Variants in SLC25A12 observed in about 807,000 individuals in gnomAD.
SLC25A12 encodes the protein solute carrier family 25 member 12.
SLC25A12 carries 32 observed loss-of-function variants against 83.3 expected under a neutral mutation model. The ratio of observed to expected loss-of-function variants is 0.38; its 90% CI spans 0.29 to 0.52. SLC25A12 has a LOEUF of 0.52. Among genes scored for constraint, SLC25A12 ranks in the 20% least tolerant of loss-of-function variants. The pLI is 0.84. For synonymous variants in SLC25A12, 267 were observed against 291.1 expected (o/e 0.92, Z 0.84); for missense variants, 611 against 835.6 (o/e 0.73, Z 3.31).
At position 171,868,723 on chromosome 2, in the gene SLC25A12, A is replaced by G. The variant is rs1186864436; in HGVS notation, c.167T>C (p.Ile56Thr). ...LYNDPNSNPK[I>T]VQLLAGVADQ... ...AGCTACTCCTGCCAAGAGCTGCACG[A>G]TCTTTGGGTTACTATTTGGATCATT... is the stretch of plus-strand genomic sequence containing the variant. Residue 56 changes from isoleucine to threonine, a missense_variant, in exon 3 of 18, where the codon ATC becomes ACC. Ile to Thr is a moderately conservative substitution (Grantham distance 89). Around this residue, in one of 3 missense-constraint regions of SLC25A12, gnomAD observed 540 missense variants for 777.5 expected, o/e 0.69. Transcript: ENST00000422440. The G allele has an allele frequency of 6.2e-7, 1 of 1,613,916 alleles. No homozygotes were observed. The highest frequency in any genetic ancestry group is 1.3e-5 in the African/African-American group (1 of 74,926).
intron 2 of SLC25A12, among the ~76,000 whole-genome samples, chr2:171,874,122 A>G (rs1477693270): frequency 6.6e-6 from 1 of 152,222 alleles, no homozygotes; most frequent in Non-Finnish European, 1.5e-5. Flanking sequence ...GCTACTCGGA[A>G]GGCTGAGGCA....
rs576117597 is a variant in SLC25A12 at position 171,858,328 on chromosome 2, A to G, written c.210-2379T>C. Reference sequence around the variant, plus strand: ...TTTTCATGCAATTTCTGTTTGAGGAAGAAAAAAACAGACTGACCAATAATT... The same window carrying G: ...TTTTCATGCAATTTCTGTTTGAGGAGGAAAAAAACAGACTGACCAATAATT... On this transcript the variant is annotated intron_variant, in intron 3 of 17. Coordinates refer to ENST00000422440, the MANE Select transcript of SLC25A12 (RefSeq NM_003705.5). Among the ~76,000 whole-genome samples, 3 of 152,354 alleles carry G rather than the reference A, an allele frequency of 2.0e-5. No homozygotes were observed. The East Asian group carries it at 5.8e-4, about 29-fold the overall frequency.
chr2:171,889,165 C>A (rs901408188), intron 2 of SLC25A12, among the ~76,000 whole-genome samples: 19 of 152,138 alleles, frequency 1.2e-4, no homozygotes, highest in African/African-American at 4.6e-4. Context: ...ACAAGGAATT[C>A]ATCTACCACC....
At chr2:171,845,081 C>T (rs1373689068) in intron 4 of SLC25A12, among the ~76,000 whole-genome samples, 2 of 152,070 alleles carry the variant, frequency 1.3e-5, no homozygotes, top group African/African-American at 4.8e-5. Context: ...ATGGTCTTGA[C>T]ACAAAGCTTC....
intron 3 of SLC25A12, among the ~76,000 whole-genome samples, chr2:171,865,392 A>C (rs1370283002): frequency 6.6e-6 from 1 of 152,172 alleles, no homozygotes; most frequent in African/African-American, 2.4e-5. Context: ...TGGGCATGGT[A>C]GCTCACACCT....
At chr2:171,792,129 G>T (rs1031495072) in intron 14 of SLC25A12, among the ~76,000 whole-genome samples, 1 of 151,996 alleles carries the variant, frequency 6.6e-6, no homozygotes, top group African/African-American at 2.4e-5. Flanking sequence ...GTTTCCACAG[G>T]AGTAGAAAAT....
At chr2:171,812,414 C>A (rs2105861829) in intron 11 of SLC25A12, among the ~76,000 whole-genome samples, 1 of 152,094 alleles carries the variant, frequency 6.6e-6, no homozygotes, top group East Asian at 1.9e-4. Context: ...GATTAATGAG[C>A]TTGTATGTGC....
At chr2:171,885,085 C>T (rs1165550213) in intron 2 of SLC25A12, among the ~76,000 whole-genome samples, 6 of 150,302 alleles carry the variant, frequency 4.0e-5, no homozygotes, top group South Asian at 2.1e-4. Context: ...TGGTGGCGGG[C>T]GCCTGTAGTC....
At chr2:171,820,675 C>G (rs74173119) in intron 9 of SLC25A12, among the ~76,000 whole-genome samples, 5 of 139,314 alleles carry the variant, frequency 3.6e-5, no homozygotes, top group African/African-American at 1.0e-4. Context: ...TTGCAGTGAG[C>G]CGAGATCCCG....
In SLC25A12 at chr2:171,835,336, T is replaced by C. The variant is rs550512229; in HGVS notation, c.613-471A>G. Among the ~76,000 whole-genome samples the C allele has an allele frequency of 9.2e-4, 140 of 152,358 alleles. 1 individual carries two copies. Among genetic ancestry groups the C allele is most frequent in the African/African-American group, 3.3e-3 (137 of 41,596 alleles). ...TAAGACAATTTTATTACATCAACTT[T>C]TCCTAATTTTTAAGGCCACTGTTAT... On this transcript the variant is annotated intron_variant, in intron 6 of 17. Coordinates refer to ENST00000422440, the MANE Select transcript of SLC25A12 (RefSeq NM_003705.5).
intron 11 of SLC25A12, among the ~76,000 whole-genome samples, chr2:171,812,062 G>A (rs1407882548): frequency 1.3e-5 from 2 of 152,084 alleles, no homozygotes; most frequent in Non-Finnish European, 2.9e-5. Flanking sequence ...CTTTCCACAG[G>A]GTACATGCTG....
At chr2:171,863,610 A>G (rs1487565896) in intron 3 of SLC25A12, among the ~76,000 whole-genome samples, 1 of 152,178 alleles carries the variant, frequency 6.6e-6, no homozygotes, top group Non-Finnish European at 1.5e-5. Flanking sequence ...GCTTCAAAGA[A>G]GATACACTAC....
At chr2:171,838,914 T>TC (rs1405486042) in intron 5 of SLC25A12, among the ~76,000 whole-genome samples, 3 of 152,128 alleles carry the variant, frequency 2.0e-5, no homozygotes, top group Admixed American at 2.0e-4. Context: ...CTCTCTACTT[T>TC]TGAGTATATT....
chr2:171,855,453 T>G (rs920431851), intron 4 of SLC25A12, among the ~76,000 whole-genome samples: 2 of 152,196 alleles, frequency 1.3e-5, no homozygotes, highest in Non-Finnish European at 2.9e-5. Flanking sequence ...CCAAGGATGC[T>G]ACAAGAGAAG....
chr2:171,870,668 T>C (rs1685439777), intron 2 of SLC25A12, among the ~76,000 whole-genome samples: 1 of 151,800 alleles, frequency 6.6e-6, no homozygotes, highest in African/African-American at 2.4e-5. Flanking sequence ...TGAGAGGAAG[T>C]AGTACAAGGA....
At chr2:171,798,566 T>C (rs1376776705) in intron 13 of SLC25A12, among the ~76,000 whole-genome samples, 2 of 152,216 alleles carry the variant, frequency 1.3e-5, no homozygotes, top group African/African-American at 4.8e-5. Context: ...GAACACAGTA[T>C]GTGCGTATAA....
intron 9 of SLC25A12, among the ~76,000 whole-genome samples, chr2:171,816,048 A>T (rs1684044293): frequency 6.6e-6 from 1 of 151,418 alleles, no homozygotes; most frequent in Non-Finnish European, 1.5e-5. Flanking sequence ...TTATTAATTA[A>T]TGCAAAAATA....
At chr2:171,845,394 A>C in intron 4 of SLC25A12, among the ~76,000 whole-genome samples, 1 of 152,150 alleles carries the variant, frequency 6.6e-6, no homozygotes, top group East Asian at 1.9e-4. Flanking sequence ...AAAAAAAAAA[A>C]TCATGAACAA....
chr2:171,814,343 T>C (rs115375054), intron 10 of SLC25A12, among the ~76,000 whole-genome samples: 3,691 of 152,158 alleles, frequency 0.024, 59 homozygotes, highest in Non-Finnish European at 0.032. Flanking sequence ...AGGTTCATTT[T>C]TGCAAATAAA....
Sources: gnomAD v4.1 joint callset for allele counts (sites outside exome capture counted in the v4.1 genomes callset) on GRCh38, gnomAD v4.1.1 for gene constraint, gnomAD v4.1.1 regional missense constraint, MANE v1.5 for transcripts, NCBI Gene and HGNC (gene_info 2026-07-23, HGNC 2026-07-21) for gene names.